EPHA3: variants seen among roughly 807,000 people sequenced by gnomAD.
EPHA3 encodes EPH receptor A3.
In EPHA3, 42 loss-of-function variants were observed where a neutral mutation model predicts 107.1. The observed-to-expected ratio is 0.39, with a 90% confidence interval of 0.31 to 0.51. The LOEUF (loss-of-function observed/expected upper bound fraction) is 0.51. EPHA3 is among the 20% of genes least tolerant of loss of function. The pLI, the probability that EPHA3 is intolerant of heterozygous loss-of-function variation, is 0.78. For missense variants in EPHA3, 1,183 were observed against 1,211.2 expected, an observed-to-expected ratio of 0.98 and a Z score of 0.35; for synonymous variants, 461 against 424.8, an observed-to-expected ratio of 1.09 and a Z score of -1.05.
At chr3:89,260,481 C>T (rs139924323) in intron 3 of EPHA3, among the ~76,000 whole-genome samples, 1 of 152,092 alleles carries the variant, frequency 6.6e-6, no homozygotes, top group Non-Finnish European at 1.5e-5. Context: ...TTTATGTCTT[C>T]TTTGGAGATA....
intron 2 of EPHA3, among the ~76,000 whole-genome samples, chr3:89,203,640 A>G (rs1327883770): frequency 1.3e-5 from 2 of 151,814 alleles, no homozygotes; most frequent in East Asian, 3.9e-4. Context: ...AGCCGGGCGC[A>G]GTGGCGGGCG....
At chr3:89,290,240 A>G (rs1406758593) in intron 3 of EPHA3, among the ~76,000 whole-genome samples, 1 of 152,172 alleles carries the variant, frequency 6.6e-6, no homozygotes, top group Non-Finnish European at 1.5e-5. Flanking sequence ...TTACAAACGT[A>G]TCAAAGTAAT....
intron 1 of EPHA3, among the ~76,000 whole-genome samples, chr3:89,113,475 T>C (rs1393886727): frequency 1.9e-5 from 1 of 51,506 alleles, no homozygotes; most frequent in African/African-American, 5.1e-5. Context: ...TCCTACCAGC[T>C]TCCTTTGTAC....
intron 15 of EPHA3, among the ~76,000 whole-genome samples, chr3:89,455,095 A>G (rs1710070467): frequency 1.3e-5 from 2 of 152,250 alleles, no homozygotes; most frequent in Admixed American, 1.3e-4. Context: ...AACTATTTTT[A>G]TATAATACAA....
At chr3:89,131,726 G>C (rs1231244218) in intron 2 of EPHA3, among the ~76,000 whole-genome samples, 2 of 152,154 alleles carry the variant, frequency 1.3e-5, no homozygotes, top group Non-Finnish European at 2.9e-5. Context: ...TATGTTTGTG[G>C]AAAACAGAAA....
At chr3:89,135,630 T>C (rs1308396296) in intron 2 of EPHA3, among the ~76,000 whole-genome samples, 1 of 151,718 alleles carries the variant, frequency 6.6e-6, no homozygotes, top group Non-Finnish European at 1.5e-5. Context: ...AATTCTTATA[T>C]ATAAACGCAT....
At position 89,443,276 on chromosome 3, in the gene EPHA3, C is replaced by T. The variant is rs867057921; in HGVS notation, c.2347-5949C>T. 7.9e-5 allele frequency among the ~76,000 whole-genome samples: 12 copies of T among 152,170 alleles called. No individual in the cohort carries two copies. In the Middle Eastern group the frequency reaches 0.014, roughly 174 times the overall value. ...AAATGAAAATCTTTATAGCATTCTA[C>T]GAACTCTAAAACACATAATCCATAC... On this transcript the variant is annotated intron_variant, in intron 13 of 16. Transcript: ENST00000336596.
intron 2 of EPHA3, among the ~76,000 whole-genome samples, chr3:89,149,899 C>T (rs1462093726): frequency 6.6e-6 from 1 of 151,950 alleles, no homozygotes; most frequent in African/African-American, 2.4e-5. Context: ...ATTCTGCTCT[C>T]ATCTCAGCTG....
intron 1 of EPHA3, among the ~76,000 whole-genome samples, chr3:89,116,837 CCTTA>C (rs1707269703): frequency 1.3e-5 from 2 of 152,016 alleles, no homozygotes; most frequent in Admixed American, 6.5e-5. Flanking sequence ...ACTTTTTCCC[CCTTA>C]CTTCCAGAGA....
intron 5 of EPHA3, among the ~76,000 whole-genome samples, chr3:89,369,181 C>T (rs148160821): frequency 0.015 from 2,247 of 150,726 alleles, 55 homozygotes; most frequent in African/African-American, 0.051. Flanking sequence ...AAAAAGAGCC[C>T]GCATCACCAA....
intron 3 of EPHA3, among the ~76,000 whole-genome samples, chr3:89,292,875 G>C (rs1447261787): frequency 1.3e-5 from 2 of 151,956 alleles, no homozygotes; most frequent in Admixed American, 6.6e-5. Flanking sequence ...TGGAAGACTG[G>C]GCTGGCTAAA....
chr3:89,407,176 A>C lies in EPHA3; in HGVS notation c.1595-93A>C, dbSNP rs528369855. Reference sequence around the variant, plus strand: ...CATACTTCAGGTAAAAGTAGAACACATATTAATTAATTAATGAATCAATCA... The same window carrying C: ...CATACTTCAGGTAAAAGTAGAACACCTATTAATTAATTAATGAATCAATCA... On this transcript the variant is annotated intron_variant, in intron 7 of 16. Transcript: ENST00000336596. The C allele has an allele frequency of 1.3e-5, 11 of 840,838 alleles. No homozygotes were observed. The African/African-American group carries it at 1.5e-4, about 12-fold the overall frequency. 52.1% of individuals were successfully genotyped at this position (840,838 alleles called of 1,614,324 possible).
intron 10 of EPHA3, among the ~76,000 whole-genome samples, chr3:89,415,344 A>T (rs1459469732): frequency 6.6e-6 from 1 of 150,432 alleles, no homozygotes; most frequent in African/African-American, 2.4e-5. Flanking sequence ...TCTTAAAAAA[A>T]ATATGTTATT....
intron 10 of EPHA3, 116 bp downstream of exon 10, chr3:89,413,382 G>GT: frequency 7.5e-7 from 1 of 1,330,458 alleles, no homozygotes; most frequent in Middle Eastern, 1.9e-4. Flanking sequence ...CATGATCAAA[G>GT]GCAAGTAATA....
At chr3:89,219,694 TTTTTTTTTGTTTTTTG>T (rs1406860868) in intron 3 of EPHA3, among the ~76,000 whole-genome samples, 3 of 11,592 alleles carry the variant, frequency 2.6e-4, no homozygotes, top group East Asian at 1.8e-3. Context: ...CAATGTTTTT[TTTTTTTTTGTTTTTTG>T]TTTTTTTTTT....
intron 2 of EPHA3, among the ~76,000 whole-genome samples, chr3:89,186,001 C>T (rs1356762773): frequency 6.6e-6 from 1 of 151,370 alleles, no homozygotes; most frequent in Admixed American, 6.6e-5. Context: ...CTTCTTTTTA[C>T]TTTCTCTTTT....
At chr3:89,429,373 T>C (rs2107534943) in intron 12 of EPHA3, among the ~76,000 whole-genome samples, 1 of 152,246 alleles carries the variant, frequency 6.6e-6, no homozygotes, top group South Asian at 2.1e-4. Context: ...TTAAAACAAA[T>C]TTGTGAGTTC....
chr3:89,472,343 A>G (rs545380387), intron 15 of EPHA3, 121 bp from the exon 16 acceptor site: 17 of 1,084,836 alleles, frequency 1.6e-5, no homozygotes, highest in Non-Finnish European at 2.1e-5. Flanking sequence ...GATAAATTCC[A>G]CAAATGAAAG....
chr3:89,111,027 C>G (rs1707093209), intron 1 of EPHA3, among the ~76,000 whole-genome samples: 1 of 151,696 alleles, frequency 6.6e-6, no homozygotes, highest in Non-Finnish European at 1.5e-5. Flanking sequence ...AATAGAGTAT[C>G]CAAAATAAAA....
Sources: allele counts gnomAD v4.1 joint callset (sites outside exome capture counted in the v4.1 genomes callset), GRCh38; gene constraint gnomAD v4.1.1; transcripts MANE v1.5; gene names NCBI Gene and HGNC (gene_info 2026-07-23, HGNC 2026-07-21).